The following C10orf90 variants were observed in gnomAD, a reference collection of about 807,000 sequenced individuals.
C10orf90 encodes the protein chromosome 10 open reading frame 90.
A neutral mutation model predicts 62.5 loss-of-function variants in C10orf90; 56 were observed. The ratio of observed to expected loss-of-function variants is 0.90; its 90% confidence interval spans 0.72 to 1.12. The LOEUF is 1.12. C10orf90 is among the 50% of genes most tolerant of loss of function. The probability of loss-of-function intolerance (pLI) is 0.00; values close to 1 mark genes in which losing one functional copy is unlikely to be tolerated. For missense variants in C10orf90, 970 were observed against 880.4 expected, an observed-to-expected ratio of 1.10 and a Z score of -1.29; for synonymous variants, 386 against 340.4, an observed-to-expected ratio of 1.13 and a Z score of -1.47.
intron 2 of C10orf90, among the ~76,000 whole-genome samples, chr10:126,571,978 G>C (rs557935735): frequency 6.6e-6 from 1 of 152,142 alleles, no homozygotes; most frequent in South Asian, 2.1e-4. Context: ...AACCTCAAAA[G>C]GCCTTCTGAT....
At chr10:126,584,600 A>AG (rs1409942788) in intron 2 of C10orf90, among the ~76,000 whole-genome samples, 1 of 152,114 alleles carries the variant, frequency 6.6e-6, no homozygotes, top group Non-Finnish European at 1.5e-5. Context: ...CTTCCCATTC[A>AG]GGAGAGATGT....
At chr10:126,614,172 G>C (rs539438258) in intron 2 of C10orf90, among the ~76,000 whole-genome samples, 2 of 152,286 alleles carry the variant, frequency 1.3e-5, no homozygotes, top group African/African-American at 4.8e-5. Flanking sequence ...TTCAGGGACA[G>C]AGTGAAACCT....
chr10:126,610,787 TTAA>T (rs1845415771), intron 2 of C10orf90, among the ~76,000 whole-genome samples: 1 of 152,096 alleles, frequency 6.6e-6, no homozygotes, highest in Admixed American at 6.5e-5. Flanking sequence ...CCACTCAGAG[TTAA>T]TAATTGAAAA....
chr10:126,557,010 TAAAA>T (rs200947401), intron 2 of C10orf90, among the ~76,000 whole-genome samples: 53 of 131,946 alleles, frequency 4.0e-4, no homozygotes, highest in African/African-American at 1.3e-3. Context: ...TTAATCAATT[TAAAA>T]AAAAAAAAAA....
intron 2 of C10orf90, among the ~76,000 whole-genome samples, chr10:126,588,601 T>G (rs1591124395): frequency 6.6e-6 from 1 of 151,072 alleles, no homozygotes; most frequent in South Asian, 2.1e-4. Context: ...TACAGAAGAG[T>G]GGCCTGACTA....
At chr10:126,606,534 A>C (rs1057021483) in intron 2 of C10orf90, among the ~76,000 whole-genome samples, 4 of 152,124 alleles carry the variant, frequency 2.6e-5, no homozygotes, top group African/African-American at 9.7e-5. Flanking sequence ...ACTTTCATGG[A>C]AAGTCAAAAC....
At chr10:126,607,103 G>A (rs1261266212) in intron 2 of C10orf90, among the ~76,000 whole-genome samples, 1 of 152,148 alleles carries the variant, frequency 6.6e-6, no homozygotes, top group Admixed American at 6.5e-5. Flanking sequence ...GGGTGAAGCA[G>A]CTGGCTCCAT....
chr10:126,539,814 A>G (rs1864332221), intron 2 of C10orf90, among the ~76,000 whole-genome samples: 1 of 152,232 alleles, frequency 6.6e-6, no homozygotes, highest in Non-Finnish European at 1.5e-5. Flanking sequence ...GTGATGAACC[A>G]TGAAATGCTA....
At chr10:126,667,789 T>A (rs553203327) in intron 1 of C10orf90, among the ~76,000 whole-genome samples, 1 of 152,198 alleles carries the variant, frequency 6.6e-6, no homozygotes, top group Admixed American at 6.5e-5. Flanking sequence ...TATGGCTACA[T>A]TGATGTCTGA....
intron 2 of C10orf90, among the ~76,000 whole-genome samples, chr10:126,526,298 G>A (rs1286107563): frequency 6.7e-6 from 1 of 149,474 alleles, no homozygotes; most frequent in African/African-American, 2.5e-5. Context: ...AGGCTGGAGT[G>A]CAGTGGTGCA....
chr10:126,445,826 T>TATATATATATACAC (rs57867349), intron 7 of C10orf90, among the ~76,000 whole-genome samples: 1 of 144,768 alleles, frequency 6.9e-6, no homozygotes, highest in African/African-American at 2.6e-5. Context: ...TATATATATA[T>TATATATATATACAC]ACAATGGAAT....
intron 2 of C10orf90, chr10:126,520,711 T>C (rs562917371): frequency 6.6e-6 from 1 of 152,412 alleles, no homozygotes; most frequent in Middle Eastern, 3.4e-3. Context: ...GAAATCCAGG[T>C]GTCAGGACCG....
chr10:126,516,756 A>G (rs1487477261), intron 2 of C10orf90, among the ~76,000 whole-genome samples: 71 of 152,316 alleles, frequency 4.7e-4, no homozygotes, highest in Non-Finnish European at 8.8e-5. Context: ...CTCCAGTTCT[A>G]GAGTTCAGAA....
At chr10:126,516,665 C>G (rs191519207) in intron 2 of C10orf90, among the ~76,000 whole-genome samples, 1 of 152,314 alleles carries the variant, frequency 6.6e-6, no homozygotes, top group African/African-American at 2.4e-5. Context: ...ATCAGATACA[C>G]AAAGGCTGAG....
intron 2 of C10orf90, among the ~76,000 whole-genome samples, chr10:126,567,253 C>A (rs539496092): frequency 1.3e-4 from 20 of 152,272 alleles, no homozygotes; most frequent in African/African-American, 4.6e-4. Context: ...GGAAACTTTC[C>A]TTCATAGTGA....
intron 2 of C10orf90, among the ~76,000 whole-genome samples, chr10:126,583,604 C>A (rs1026119612): frequency 6.6e-6 from 1 of 152,116 alleles, no homozygotes; most frequent in Non-Finnish European, 1.5e-5. Flanking sequence ...TGAGTAGTTT[C>A]TCTTATCATT....
At chr10:126,432,441 A>C (rs1440995067) in intron 7 of C10orf90, among the ~76,000 whole-genome samples, 2 of 152,226 alleles carry the variant, frequency 1.3e-5, no homozygotes, top group African/African-American at 2.4e-5. Flanking sequence ...TCCCTTCATG[A>C]GATTTCATTT....
chr10:126,562,873 C>T (rs1864935001), intron 2 of C10orf90, among the ~76,000 whole-genome samples: 1 of 152,224 alleles, frequency 6.6e-6, no homozygotes, highest in Non-Finnish European at 1.5e-5. Flanking sequence ...GCTGCACTCG[C>T]ACACAGCGCA....
chr10:126,579,304 A>G (rs1844696441), intron 2 of C10orf90, among the ~76,000 whole-genome samples: 1 of 143,632 alleles, frequency 7.0e-6, no homozygotes, highest in Admixed American at 7.1e-5. Flanking sequence ...ACAGAGTCTC[A>G]CTCTTGGCTC....
Sources: allele counts gnomAD v4.1 joint callset (sites outside exome capture counted in the v4.1 genomes callset), GRCh38; gene constraint gnomAD v4.1.1; transcripts MANE v1.5; gene names NCBI Gene and HGNC (gene_info 2026-07-23, HGNC 2026-07-21).